LINGO2: variants seen among roughly 807,000 people sequenced by gnomAD.
LINGO2 encodes the protein leucine-rich repeat and immunoglobulin-like domain-containing nogo receptor-interacting protein 2.
LINGO2 carries 14 observed loss-of-function variants against 30.6 expected under a neutral mutation model. That is an observed-to-expected ratio of 0.46 (90% confidence interval 0.30 to 0.72). The LOEUF (loss-of-function observed/expected upper bound fraction) is 0.72, where lower values mean the gene tolerates loss of function less well. Ranked by LOEUF, LINGO2 falls within the 30% of genes least tolerant of loss-of-function variation. The probability of loss-of-function intolerance (pLI) is 0.07; values close to 1 mark genes in which losing one functional copy is unlikely to be tolerated. For synonymous variants in LINGO2, 317 were observed against 288.5 expected (o/e 1.10, Z -1.00); for missense variants, 729 against 751.7 (o/e 0.97, Z 0.35).
At chr9:28,807,969 C>T in the LINGO2 span, among the ~76,000 whole-genome samples, 1 of 152,232 alleles carries the variant, frequency 6.6e-6, no homozygotes, top group South Asian at 2.1e-4. Context: ...ATACAATGGT[C>T]TTACTGACCT....
chr9:28,484,358 C>A (rs1363583079), intron 1 of LINGO2, among the ~76,000 whole-genome samples: 1 of 152,028 alleles, frequency 6.6e-6, no homozygotes, highest in African/African-American at 2.4e-5. Context: ...GAGTGGAAGG[C>A]TTGTACCTGT....
At chr9:29,038,703 T>C in the LINGO2 span, among the ~76,000 whole-genome samples, 1 of 148,032 alleles carries the variant, frequency 6.8e-6, no homozygotes, top group Admixed American at 6.7e-5. Flanking sequence ...ATGAAAAAAG[T>C]TTTATCCTGC....
At chr9:29,209,452 G>A in the LINGO2 span, among the ~76,000 whole-genome samples, 1 of 152,070 alleles carries the variant, frequency 6.6e-6, no homozygotes. Flanking sequence ...TAAAGTAACT[G>A]TAAATTAGCA....
the LINGO2 span, among the ~76,000 whole-genome samples, chr9:28,854,087 G>T: frequency 2.4e-4 from 36 of 152,008 alleles, no homozygotes; most frequent in East Asian, 6.8e-3. Flanking sequence ...ACAACTTGAG[G>T]GGAGGTACTA....
chr9:29,006,685 G>A, the LINGO2 span, among the ~76,000 whole-genome samples: 1 of 151,980 alleles, frequency 6.6e-6, no homozygotes, highest in Non-Finnish European at 1.5e-5. Context: ...CCTTAACTGA[G>A]TAAACACGGG....
the LINGO2 span, among the ~76,000 whole-genome samples, chr9:29,156,991 A>T: frequency 6.6e-6 from 1 of 152,070 alleles, no homozygotes; most frequent in Non-Finnish European, 1.5e-5. Flanking sequence ...AAGCAAAGTA[A>T]TCTATTTAGA....
intron 4 of LINGO2, among the ~76,000 whole-genome samples, chr9:28,282,503 C>G (rs1315062031): frequency 6.6e-6 from 1 of 151,726 alleles, no homozygotes; most frequent in Non-Finnish European, 1.5e-5. Flanking sequence ...GTAGAAAACA[C>G]TGCCCTTTCT....
chr9:29,197,113 C>T, the LINGO2 span, among the ~76,000 whole-genome samples: 1 of 152,030 alleles, frequency 6.6e-6, no homozygotes, highest in East Asian at 1.9e-4. Context: ...CCAATTCTGA[C>T]ATTAAGTCAT....
chr9:28,466,252 G>A (rs1421948765), intron 2 of LINGO2, among the ~76,000 whole-genome samples: 1 of 152,120 alleles, frequency 6.6e-6, no homozygotes, highest in Non-Finnish European at 1.5e-5. Flanking sequence ...AGAAAATGTG[G>A]TACATATACA....
intron 1 of LINGO2, among the ~76,000 whole-genome samples, chr9:28,605,773 T>C (rs1413848914): frequency 6.6e-6 from 1 of 152,056 alleles, no homozygotes; most frequent in Non-Finnish European, 1.5e-5. Context: ...CACCTGCTTT[T>C]ATAAATAAAG....
intron 4 of LINGO2, among the ~76,000 whole-genome samples, chr9:28,017,523 A>T (rs1035746034): frequency 1.3e-5 from 2 of 152,190 alleles, no homozygotes; most frequent in Non-Finnish European, 2.9e-5. Context: ...TACATAAATC[A>T]GATCATAAAT....
rs1554729653 is a variant in LINGO2, at chr9:28,506,509, T to TAG, written c.-364-30485_-364-30484insCT. ...ACATACACACACACACACAGACATATATATATATATATAAACTGTTGGGGA... is the reference window on the plus strand; with the variant it reads ...ACATACACACACACACACAGACATATAGATATATATATATAAACTGTTGGGGA... On this transcript the variant is annotated intron_variant, in intron 1 of 5. Transcript: ENST00000379992. Among the ~76,000 whole-genome samples the TAG allele has an allele frequency of 1.0e-3, 128 of 127,494 alleles. 9 individuals carry two copies. The highest frequency in any genetic ancestry group is 3.0e-3 in the African/African-American group (107 of 35,710). 83.6% of individuals were successfully genotyped at this position (127,494 alleles called of 152,430 possible).
chr9:28,104,567 T>C (rs940931808), intron 4 of LINGO2, among the ~76,000 whole-genome samples: 15 of 152,040 alleles, frequency 9.9e-5, no homozygotes, highest in Non-Finnish European at 4.4e-5. Flanking sequence ...TTTGTTTACA[T>C]GTTTTTTTTC....
the LINGO2 span, among the ~76,000 whole-genome samples, chr9:28,947,769 T>C: frequency 6.6e-6 from 1 of 151,532 alleles, no homozygotes; most frequent in Non-Finnish European, 1.5e-5. Context: ...GTAATATGTA[T>C]ATATAGTATG....
At chr9:28,785,441 T>C in the LINGO2 span, among the ~76,000 whole-genome samples, 1 of 152,206 alleles carries the variant, frequency 6.6e-6, no homozygotes, top group Non-Finnish European at 1.5e-5. Context: ...AAGTAGCTTC[T>C]CACTCTCTAT....
At chr9:28,534,635 TA>T (rs1442033815) in intron 1 of LINGO2, among the ~76,000 whole-genome samples, 2 of 152,154 alleles carry the variant, frequency 1.3e-5, no homozygotes, top group Non-Finnish European at 2.9e-5. Context: ...GCTTACTTAT[TA>T]TAATGTTTGG....
the LINGO2 span, among the ~76,000 whole-genome samples, chr9:28,696,621 G>T: frequency 2.6e-5 from 4 of 151,686 alleles, no homozygotes; most frequent in African/African-American, 9.7e-5. Flanking sequence ...AGAAAAGTAA[G>T]CCAAATGCAT....
chr9:28,797,937 C>A, the LINGO2 span, among the ~76,000 whole-genome samples: 335 of 151,996 alleles, frequency 2.2e-3, no homozygotes, highest in African/African-American at 7.6e-3. Flanking sequence ...AGGAGAAAAA[C>A]CAGGAGAATA....
At chr9:28,179,629 TTTA>T (rs1194600444) in intron 4 of LINGO2, among the ~76,000 whole-genome samples, 3 of 142,384 alleles carry the variant, frequency 2.1e-5, no homozygotes, top group African/African-American at 7.7e-5. Context: ...TATATAGTAT[TTTA>T]TACTATATAT....
Sources: allele counts gnomAD v4.1 joint callset (sites outside exome capture counted in the v4.1 genomes callset), GRCh38; gene constraint gnomAD v4.1.1; transcripts MANE v1.5; gene names NCBI Gene and HGNC (gene_info 2026-07-23, HGNC 2026-07-21).